Variants in WDR36 observed in about 807,000 individuals in gnomAD.
WDR36 encodes the protein WD repeat-containing protein 36.
Under a neutral mutation model 112.7 loss-of-function variants are expected in WDR36, and 63 were observed. The ratio of observed to expected loss-of-function variants is 0.56; its 90% CI spans 0.46 to 0.69. The LOEUF is 0.69. Ranked by LOEUF, WDR36 falls within the 30% of genes least tolerant of loss-of-function variation. The pLI is 0.00. For missense variants in WDR36, 1,226 were observed against 1,070.3 expected, an observed-to-expected ratio of 1.15 and a Z score of -2.03; for synonymous variants, 410 against 362.2, an observed-to-expected ratio of 1.13 and a Z score of -1.50.
In WDR36 at chr5:111,097,436, C is replaced by T. The variant is rs180702281; in HGVS notation, c.291+257C>T. ...AGACCTTCTTCAAAATTTTTTATGC[C>T]GTTAGTTCCCATCTCAGGAGTTTTC... On this transcript the variant is annotated intron_variant, in intron 3 of 22. Coordinates refer to ENST00000513710, the MANE Select transcript of WDR36 (RefSeq NM_139281.3). 1.4e-4 allele frequency among the ~76,000 whole-genome samples: 22 copies of T among 152,162 alleles called. No individual in the cohort carries two copies. The South Asian group carries it at 2.3e-3, about 16-fold the overall frequency.
intron 16 of WDR36, among the ~76,000 whole-genome samples, chr5:111,117,703 T>C (rs1035121887): frequency 6.6e-6 from 1 of 152,160 alleles, no homozygotes; most frequent in Non-Finnish European, 1.5e-5. Flanking sequence ...GGATACTTCC[T>C]CACACAGAAC....
In WDR36 at chr5:111,110,231, C is replaced by T; in HGVS notation, c.1369C>T (p.Leu457Phe). The T allele has an allele frequency of 1.9e-6, 3 of 1,610,862 alleles. No individual in the cohort carries two copies. The highest frequency in any genetic ancestry group is 2.2e-5 in the South Asian group (2 of 91,022). ...TSCGNFAVIG[L>F]SSGTVDVYNM... ...TTGTGGAAACTTTGCTGTAATTGGC[C>T]TCTCATCAGGAACTGTAGATGTATA... The change falls in exon 13 of 23, where the codon CTC (leucine) becomes TTC (phenylalanine). Residue 457 changes from leucine (L) to phenylalanine (F), a missense_variant. Physicochemically the swap from Leu to Phe is conservative, Grantham distance 22. Coordinates refer to ENST00000513710, the MANE Select transcript of WDR36 (RefSeq NM_139281.3).
At chr5:111,092,941 T>A (rs1291877645) in intron 1 of WDR36, among the ~76,000 whole-genome samples, 1 of 152,250 alleles carries the variant, frequency 6.6e-6, no homozygotes, top group Non-Finnish European at 1.5e-5. Flanking sequence ...AACCTCTACC[T>A]CTTGCATTCT....
intron 12 of WDR36, among the ~76,000 whole-genome samples, chr5:111,108,434 C>G (rs75625516): frequency 0.027 from 4,042 of 151,062 alleles, 204 homozygotes; most frequent in African/African-American, 0.093. Flanking sequence ...AACATTTGAC[C>G]CTATTTTATA....
intron 6 of WDR36, 133 bp from the exon 7 acceptor site, chr5:111,103,653 C>G: frequency 8.9e-7 from 1 of 1,129,846 alleles, no homozygotes; most frequent in Non-Finnish European, 1.3e-6. Context: ...GTAATACTTG[C>G]TGAGTTTTTC....
chr5:111,100,758 C>T (rs748768036), intron 5 of WDR36, 37 bp downstream of exon 5: 5 of 1,584,460 alleles, frequency 3.2e-6, no homozygotes, highest in Non-Finnish European at 4.3e-6. Flanking sequence ...TAGCTGTCAC[C>T]TTATCCTCAT....
At chr5:111,126,652 G>T in intron 22 of WDR36, 82 bp from the exon 23 acceptor site, 1 of 1,469,398 alleles carries the variant, frequency 6.8e-7, no homozygotes, top group Non-Finnish European at 9.5e-7. Context: ...GTCTTTTGTG[G>T]TTCCTTGGTA....
chr5:111,115,681 A>G (rs1217940294), intron 16 of WDR36, among the ~76,000 whole-genome samples: 1 of 152,220 alleles, frequency 6.6e-6, no homozygotes, highest in African/African-American at 2.4e-5. Context: ...TAGCCTGGAA[A>G]GTGAAGCTAT....
At chr5:111,097,289 A>G in intron 3 of WDR36, 110 bp downstream of exon 3, 7 of 799,846 alleles carry the variant, frequency 8.8e-6, no homozygotes, top group Non-Finnish European at 1.3e-5. Context: ...ACTATACAGT[A>G]TTCTTTTTTT....
intron 1 of WDR36, among the ~76,000 whole-genome samples, 163 bp downstream of exon 1, chr5:111,092,781 G>T (rs994980403): frequency 6.6e-6 from 1 of 152,280 alleles, no homozygotes; most frequent in East Asian, 1.9e-4. Context: ...TCCACGTGCT[G>T]ATTTGGCACT....
chr5:111,115,742 T>C (rs7702106), intron 16 of WDR36, among the ~76,000 whole-genome samples: 64 of 152,304 alleles, frequency 4.2e-4, no homozygotes, highest in Middle Eastern at 3.4e-3. Context: ...CCATCTGGAA[T>C]TGTGCCTATC....
intron 19 of WDR36, among the ~76,000 whole-genome samples, chr5:111,122,126 G>T (rs919403509): frequency 3.3e-5 from 5 of 152,202 alleles, no homozygotes; most frequent in Admixed American, 1.3e-4. Context: ...GCATAAAGGT[G>T]TGCTGTCTAG....
Position 111,127,923 on chromosome 5 carries a change from GTT to G in WDR36, c.*1058_*1059del, listed in dbSNP as rs1174312563. ...GGTTTTTTTTATTTTGTTTTGTTTT[GTT>G]TTTTTTTTTTTTTTTTTGGCTACAC... On this transcript the variant is annotated 3_prime_UTR_variant, in exon 23 of 23. Coordinates refer to ENST00000513710, the MANE Select transcript of WDR36 (RefSeq NM_139281.3). 151 of 138,628 alleles carry G rather than the reference GTT, an allele frequency of 1.1e-3. No homozygotes were observed. The highest frequency in any genetic ancestry group is 5.1e-3 in the East Asian group (44 of 8,614). The allele number at this position is 138,628 out of a possible 1,614,324, so 8.6% of individuals were successfully genotyped here.
intron 12 of WDR36, 67 bp downstream of exon 12, chr5:111,107,506 A>C: frequency 1.9e-6 from 3 of 1,578,788 alleles, no homozygotes; most frequent in Non-Finnish European, 2.6e-6. Context: ...TGTTATACTC[A>C]AGGTTTCTCA....
chr5:111,122,730 C>T (rs754236800), intron 19 of WDR36, among the ~76,000 whole-genome samples: 5 of 152,128 alleles, frequency 3.3e-5, no homozygotes, highest in Non-Finnish European at 5.9e-5. Context: ...CTCCCTAGGG[C>T]GGCATAGCTC....
intron 11 of WDR36, among the ~76,000 whole-genome samples, chr5:111,106,988 A>G (rs546613207): frequency 1.3e-5 from 2 of 151,524 alleles, no homozygotes; most frequent in South Asian, 4.1e-4. Flanking sequence ...AGACACTGTC[A>G]TACTTTATTG....
intron 16 of WDR36, among the ~76,000 whole-genome samples, chr5:111,118,323 C>T (rs1422814745): frequency 6.6e-6 from 1 of 152,134 alleles, no homozygotes; most frequent in Non-Finnish European, 1.5e-5. Context: ...TGTAAAGCTC[C>T]TCTCAAACAT....
intron 15 of WDR36, among the ~76,000 whole-genome samples, chr5:111,112,488 A>G (rs1462017234): frequency 6.6e-6 from 1 of 152,026 alleles, no homozygotes; most frequent in Non-Finnish European, 1.5e-5. Flanking sequence ...CTACAACTGT[A>G]AACTTTAAAG....
chr5:111,100,999 T>A (rs1297260130), intron 5 of WDR36, among the ~76,000 whole-genome samples: 1 of 152,004 alleles, frequency 6.6e-6, no homozygotes, highest in African/African-American at 2.4e-5. Flanking sequence ...TATTAGGTCT[T>A]ATAAGTAAGC....
Sources: allele counts gnomAD v4.1 joint callset (sites outside exome capture counted in the v4.1 genomes callset), GRCh38; gene constraint gnomAD v4.1.1; transcripts MANE v1.5; gene names NCBI Gene and HGNC (gene_info 2026-07-23, HGNC 2026-07-21).